SLC8A2: variants seen among roughly 807,000 people sequenced by gnomAD.
SLC8A2 encodes solute carrier family 8 member A2.
Under a neutral mutation model 70.2 loss-of-function variants are expected in SLC8A2, and 14 were observed. The ratio of observed to expected loss-of-function variants is 0.20; its 90% CI spans 0.13 to 0.31. SLC8A2 has a LOEUF of 0.31. Among genes scored for constraint, SLC8A2 ranks in the 10% least tolerant of loss-of-function variants. The pLI is 1.00. For synonymous variants in SLC8A2, 575 were observed against 594.3 expected (o/e 0.97, Z 0.47); for missense variants, 779 against 1,320.1 (o/e 0.59, Z 6.35).
Position 47,429,966 on chromosome 19 carries a change from G to GGGAGGCCGAGTCCCAGGAGA in SLC8A2, c.*103_*122dup. The GGGAGGCCGAGTCCCAGGAGA allele has an allele frequency of 2.1e-6, 2 of 970,592 alleles. No individual in the cohort carries two copies. The highest frequency in any genetic ancestry group is 3.0e-6 in the Non-Finnish European group (2 of 668,230). 60.1% of individuals were successfully genotyped at this position (970,592 alleles called of 1,614,324 possible). On this transcript the variant is annotated 3_prime_UTR_variant, in exon 10 of 10. Transcript: ENST00000236877. Reference sequence around the variant, plus strand: ...CAAAGCCAGGGGAGGGGGCGGAGAAGGGAGGCCGAGTCCCAGGAGAGGAGG... The same window carrying GGGAGGCCGAGTCCCAGGAGA: ...CAAAGCCAGGGGAGGGGGCGGAGAAGGGAGGCCGAGTCCCAGGAGAGGAGGCCGAGTCCCAGGAGAGGAGG...
rs1966901071 is a variant in SLC8A2 at position 47,428,363 on chromosome 19, G to A, written c.*1726C>T. ...GGAAACCCACGACTGACGAATGGGG[G>A]CATGGAGAGTGGAGGTGCGTGGCTT... On this transcript the variant is annotated 3_prime_UTR_variant, in exon 10 of 10. Coordinates refer to ENST00000236877, the MANE Select transcript of SLC8A2 (RefSeq NM_015063.3). The A allele has an allele frequency of 6.6e-6, 1 of 151,598 alleles. No individual in the cohort carries two copies. Among genetic ancestry groups the A allele is most frequent in the Non-Finnish European group, 1.5e-5 (1 of 67,994 alleles). 9.4% of individuals were successfully genotyped at this position (151,598 alleles called of 1,614,324 possible). A position where few individuals can be genotyped will look rare whatever the true frequency, so the allele number is the denominator to read the frequency against.
chr19:47,438,436 G>T (rs1967058783), intron 6 of SLC8A2, among the ~76,000 whole-genome samples: 1 of 152,056 alleles, frequency 6.6e-6, no homozygotes. Flanking sequence ...CCTGATAGGG[G>T]AGGCCTGGTC....
chr19:47,432,575 A>G lies in SLC8A2; in HGVS notation c.2111-130T>C. ...TTCTTTCCCAGAATCCCTTGCACCT[A>G]CCTGTGGCCAAGTCAACTGCTAAAA... On this transcript the variant is annotated intron_variant, in intron 8 of 9. Coordinates refer to ENST00000236877, the MANE Select transcript of SLC8A2 (RefSeq NM_015063.3). This position sits in a 1 kb window ranked among gnomAD's most constrained non-coding sequence, Gnocchi z 6.2. 1.1e-6 allele frequency: 1 copy of G among 894,618 alleles called. No individual in the cohort carries two copies. Among genetic ancestry groups the G allele is most frequent in the Non-Finnish European group, 1.6e-6 (1 of 607,334 alleles). 55.4% of individuals were successfully genotyped at this position (894,618 alleles called of 1,614,324 possible).
chr19:47,448,235 C>A lies in SLC8A2; in HGVS notation c.1341-4G>T. On this transcript the variant is annotated splice_region_variant and splice_polypyrimidine_tract_variant and intron_variant, in intron 3 of 9. Transcript: ENST00000236877. This position sits in a 1 kb window ranked among gnomAD's most constrained non-coding sequence, Gnocchi z 4.8. ...TTTGAACACCAGCGTGCCCTCGCTG[C>A]GGCGGGGTGGGGAGGGGGAAGAGCG... The A allele has an allele frequency of 6.3e-7, 1 of 1,584,396 alleles. No homozygotes were observed. Among genetic ancestry groups the A allele is most frequent in the Non-Finnish European group, 8.6e-7 (1 of 1,161,422 alleles).
At chr19:47,449,537 C>T (rs577146056) in intron 3 of SLC8A2, among the ~76,000 whole-genome samples, 3 of 152,116 alleles carry the variant, frequency 2.0e-5, no homozygotes, top group East Asian at 3.9e-4. Flanking sequence ...TTGGCCAGGC[C>T]GGTCTCGAAC....
rs1234472223 is a variant in SLC8A2 at position 47,464,391 on chromosome 19, C to T, written c.675+1338G>A. ...CCTCCCAAAGTGCTAGGATTACAGG[C>T]ATGAACCACCACACCTAGCTTCAAA... On this transcript the variant is annotated intron_variant, in intron 2 of 9. Coordinates refer to ENST00000236877, the MANE Select transcript of SLC8A2 (RefSeq NM_015063.3). Among the ~76,000 whole-genome samples, 7 of 152,312 alleles carry T rather than the reference C, an allele frequency of 4.6e-5. No homozygotes were observed. The East Asian group carries it at 1.4e-3, about 29-fold the overall frequency.
chr19:47,443,748 T>C (rs1223696942), intron 4 of SLC8A2, among the ~76,000 whole-genome samples: 1 of 152,196 alleles, frequency 6.6e-6, no homozygotes, highest in East Asian at 1.9e-4. Flanking sequence ...TCTCTGTCCC[T>C]ACATTTTCCA....
At position 47,429,919 on chromosome 19, in the gene SLC8A2, T is replaced by G. The variant is rs1418593042; in HGVS notation, c.*170A>C. On this transcript the variant is annotated 3_prime_UTR_variant, in exon 10 of 10. Coordinates refer to ENST00000236877, the MANE Select transcript of SLC8A2 (RefSeq NM_015063.3). ...AGAGGAAGAGGGAAGGCTGAGCTAC[T>G]GGGGACACAGAACAGGGCAATCAAA... The G allele has an allele frequency of 5.3e-6, 3 of 569,218 alleles. No individual in the cohort carries two copies. Among genetic ancestry groups the G allele is most frequent in the Non-Finnish European group, 8.4e-6 (3 of 357,992 alleles). The allele number at this position is 569,218 out of a possible 1,614,324, so 35.3% of individuals were successfully genotyped here. A position where few individuals can be genotyped will look rare whatever the true frequency, so the allele number is the denominator to read the frequency against.
chr19:47,466,294 T>C lies in SLC8A2; in HGVS notation c.110A>G (p.Asp37Gly). 1.3e-6 allele frequency: 2 copies of C among 1,523,322 alleles called. No individual in the cohort carries two copies. Among genetic ancestry groups the C allele is most frequent in the Non-Finnish European group, 1.8e-6 (2 of 1,132,004 alleles). 94.4% of individuals were successfully genotyped at this position (1,523,322 alleles called of 1,614,324 possible). A position where few individuals can be genotyped will look rare whatever the true frequency, so the allele number is the denominator to read the frequency against. Reference protein sequence around the residue: ...SLPPPPANDSDTSTGGCQGSY... With the variant: ...SLPPPPANDSGTSTGGCQGSY... ...CCCCTGGCAGCCCCCTGTGCTGGTG[T>C]CGCTGTCATTGGCCGGGGGAGGCGG... The change falls in exon 2 of 10, where the codon GAC (aspartate) becomes GGC (glycine). Residue 37 changes from aspartate (D) to glycine (G), a missense_variant. This residue lies in a region of SLC8A2 where 65 missense variants were observed against 61.3 expected (regional missense o/e 1.06). Coordinates refer to ENST00000236877, the MANE Select transcript of SLC8A2 (RefSeq NM_015063.3). This position sits in a 1 kb window ranked among gnomAD's most constrained non-coding sequence, Gnocchi z 6.9.
intron 1 of SLC8A2, among the ~76,000 whole-genome samples, chr19:47,471,004 G>A (rs1171852573): frequency 1.3e-5 from 2 of 151,968 alleles, no homozygotes; most frequent in African/African-American, 2.4e-5. Context: ...TGCCAGGGGC[G>A]GAGACAAAGG....
Position 47,465,451 on chromosome 19 carries a change from A to G in SLC8A2, c.675+278T>C, listed in dbSNP as rs1473262205. ...AAGTGAGTGTACTGTTCTTAAGTGCAAAACAGTGCGTCCCTCTGGACAAAT... is the reference window on the plus strand; with the variant it reads ...AAGTGAGTGTACTGTTCTTAAGTGCGAAACAGTGCGTCCCTCTGGACAAAT... On this transcript the variant is annotated intron_variant, in intron 2 of 9. Transcript: ENST00000236877. The surrounding 1 kb of genome is among the most constrained non-coding windows in gnomAD (Gnocchi z 5.5). Among the ~76,000 whole-genome samples, 2 of 152,086 alleles carry G rather than the reference A, an allele frequency of 1.3e-5. No homozygotes were observed. Among genetic ancestry groups the G allele is most frequent in the African/African-American group, 4.8e-5 (2 of 41,446 alleles).
chr19:47,448,922 G>T lies in SLC8A2; in HGVS notation c.1341-691C>A, dbSNP rs1316724468. On this transcript the variant is annotated intron_variant, in intron 3 of 9. Coordinates refer to ENST00000236877, the MANE Select transcript of SLC8A2 (RefSeq NM_015063.3). This position sits in a 1 kb window ranked among gnomAD's most constrained non-coding sequence, Gnocchi z 4.8. ...CGTTGTGTGCCTTGTGCCGAGTGGT[G>T]CTGGGGACACAGCAGTAACCAGGCC... Among the ~76,000 whole-genome samples, 1 of 152,188 alleles carries T rather than the reference G, an allele frequency of 6.6e-6. No individual in the cohort carries two copies. The highest frequency in any genetic ancestry group is 1.5e-5 in the Non-Finnish European group (1 of 68,042).
At chr19:47,469,471 A>G (rs915817028) in intron 1 of SLC8A2, among the ~76,000 whole-genome samples, 3 of 152,150 alleles carry the variant, frequency 2.0e-5, no homozygotes, top group Admixed American at 1.3e-4. Flanking sequence ...TTCCTGCTGC[A>G]GTCCTCAAGA....
chr19:47,452,396 TGGAGAGAGAGAG>T (rs1251729244), intron 3 of SLC8A2, among the ~76,000 whole-genome samples: 1 of 76,122 alleles, frequency 1.3e-5, no homozygotes, highest in Non-Finnish European at 2.6e-5. Context: ...TATATATATA[TGGAGAGAGAGAG>T]AGAGAGAGAG....
intron 2 of SLC8A2, 26 bp from the exon 3 acceptor site, chr19:47,457,620 G>T (rs910960487): frequency 2.1e-6 from 3 of 1,452,018 alleles, no homozygotes; most frequent in African/African-American, 1.5e-5. Context: ...GTCAGGGCGA[G>T]GCCGGGCGGG....
At position 47,432,584 on chromosome 19, in the gene SLC8A2, C is replaced by A; in HGVS notation, c.2111-139G>T. 1.3e-6 allele frequency: 1 copy of A among 780,374 alleles called. No homozygotes were observed. The highest frequency in any genetic ancestry group is 2.0e-6 in the Non-Finnish European group (1 of 506,968). 48.3% of individuals were successfully genotyped at this position (780,374 alleles called of 1,614,324 possible). On this transcript the variant is annotated intron_variant, in intron 8 of 9. Coordinates refer to ENST00000236877, the MANE Select transcript of SLC8A2 (RefSeq NM_015063.3). This position sits in a 1 kb window ranked among gnomAD's most constrained non-coding sequence, Gnocchi z 6.2. ...AGAATCCCTTGCACCTACCTGTGGC[C>A]AAGTCAACTGCTAAAAACAGTTACT...
chr19:47,469,119 C>CGTGTGTGTGT (rs10670696), intron 1 of SLC8A2, among the ~76,000 whole-genome samples: 51 of 143,246 alleles, frequency 3.6e-4, no homozygotes, highest in Non-Finnish European at 6.0e-4. Flanking sequence ...TGCCTGTGTG[C>CGTGTGTGTGT]GTGTGTGTGT....
chr19:47,450,405 C>G (rs535712959), intron 3 of SLC8A2, among the ~76,000 whole-genome samples: 1 of 152,066 alleles, frequency 6.6e-6, no homozygotes, highest in African/African-American at 2.4e-5. Context: ...TGCCTGTAGT[C>G]CCAGCTACTC....
intron 4 of SLC8A2, among the ~76,000 whole-genome samples, chr19:47,444,530 G>A (rs1967136372): frequency 6.6e-6 from 1 of 152,120 alleles, no homozygotes; most frequent in Non-Finnish European, 1.5e-5. Flanking sequence ...GAGGAGGGAG[G>A]GTCTCCCGAG....
Sources: gnomAD v4.1 joint callset for allele counts (sites outside exome capture counted in the v4.1 genomes callset) on GRCh38, gnomAD v4.1.1 for gene constraint, gnomAD v4.1.1 regional missense constraint, Gnocchi (gnomAD v3.1) non-coding constraint, MANE v1.5 for transcripts, NCBI Gene and HGNC (gene_info 2026-07-23, HGNC 2026-07-21) for gene names.